Variants in PKD1L3 observed in about 807,000 individuals in gnomAD.
PKD1L3 encodes polycystin 1 like 3, transient receptor potential channel interacting, also known as polycystin-1-like protein 3.
Under a neutral mutation model 184.1 loss-of-function variants are expected in PKD1L3, and 239 were observed. That is an observed-to-expected ratio of 1.30 (90% CI 1.17 to 1.45). PKD1L3 has a LOEUF of 1.45. Among genes scored for constraint, PKD1L3 ranks in the 40% most tolerant of loss-of-function variants. The pLI, the probability that PKD1L3 is intolerant of heterozygous loss-of-function variation, is 0.00. For synonymous variants in PKD1L3, 996 were observed against 778.8 expected, an observed-to-expected ratio of 1.28 and a Z score of -4.64; for missense variants, 2,660 against 2,067.2, an observed-to-expected ratio of 1.29 and a Z score of -5.56.
intron 7 of PKD1L3, among the ~76,000 whole-genome samples, chr16:71,981,260 G>C (rs1385946556): frequency 6.6e-6 from 1 of 152,158 alleles, no homozygotes; most frequent in African/African-American, 2.4e-5. Flanking sequence ...AGAATTGCTA[G>C]GTTACATGGC....
chr16:71,934,653 ACATT>A (rs1002711249), intron 26 of PKD1L3, among the ~76,000 whole-genome samples: 2 of 152,118 alleles, frequency 1.3e-5, no homozygotes, highest in African/African-American at 2.4e-5. Context: ...TGAGAGAGAG[ACATT>A]CATAATTTTA....
chr16:71,983,956 C>A, intron 6 of PKD1L3, 80 bp downstream of exon 6: 1 of 1,514,570 alleles, frequency 6.6e-7, no homozygotes, highest in South Asian at 1.2e-5. Flanking sequence ...AGCCACCGCA[C>A]CCAGCCTCAG....
intron 16 of PKD1L3, among the ~76,000 whole-genome samples, chr16:71,957,710 T>C (rs1319579210): frequency 6.6e-6 from 1 of 152,124 alleles, no homozygotes. Context: ...GGCAGGACAA[T>C]TGCTTGAACC....
chr16:71,975,332 A>G (rs903648812), intron 11 of PKD1L3, among the ~76,000 whole-genome samples: 8 of 151,544 alleles, frequency 5.3e-5, no homozygotes, highest in African/African-American at 1.7e-4. Context: ...TGCTGGCGTT[A>G]CAGGGGTGAG....
At chr16:71,997,285 T>C (rs2040823545) in intron 2 of PKD1L3, among the ~76,000 whole-genome samples, 4 of 152,090 alleles carry the variant, frequency 2.6e-5, no homozygotes, top group Admixed American at 1.3e-4. Flanking sequence ...GTAGTTGTTT[T>C]TTTTTTAAGA....
chr16:71,980,432 C>G (rs1321457887), intron 7 of PKD1L3, among the ~76,000 whole-genome samples: 1 of 152,160 alleles, frequency 6.6e-6, no homozygotes, highest in Non-Finnish European at 1.5e-5. Flanking sequence ...AGGTAACTTT[C>G]ACATATACAG....
chr16:71,980,440 C>T (rs1160869892), intron 7 of PKD1L3, among the ~76,000 whole-genome samples: 1 of 152,158 alleles, frequency 6.6e-6, no homozygotes, highest in East Asian at 1.9e-4. Context: ...TTCACATATA[C>T]AGTTCATCCA....
In PKD1L3 at chr16:71,963,296, G is replaced by A. The variant is rs1195526873; in HGVS notation, c.2521C>T (p.Leu841=). ...DMAVKRKWHF[L]CNCWLAVDLG... is the part of the protein sequence containing the mutation. Reference sequence around the variant, plus strand: ...TCCACAGCCAGCCAGCAATTGCACAGGAAATGCCACTTCCTCTTAACTGCC... The same window carrying A: ...TCCACAGCCAGCCAGCAATTGCACAAGAAATGCCACTTCCTCTTAACTGCC... The change falls in exon 16 of 30, where the codon CTG becomes TTG. Residue 841 remains leucine, a synonymous_variant. Transcript: ENST00000620267. 1 of 1,551,378 alleles carries A rather than the reference G, an allele frequency of 6.4e-7. No individual in the cohort carries two copies. The highest frequency in any genetic ancestry group is 8.7e-7 in the Non-Finnish European group (1 of 1,146,806).
chr16:71,968,002 C>G lies in PKD1L3; in HGVS notation c.2190G>C (p.Lys730Asn). ...GGTCATTATCAGCCAGGACAGTGAC[C>G]TTCACCTGCAAGAAAAGCAGAACCA... ...KKDQADMQKV[K>N]VTVLADNDPS... The change falls in exon 14 of 30, where the codon AAG (lysine) becomes AAC (asparagine). Residue 730 changes from lysine (K) to asparagine (N), a missense_variant. By Grantham distance (94) the Lys-to-Asn change is moderately conservative. Transcript: ENST00000620267. 1 of 1,551,048 alleles carries G rather than the reference C, an allele frequency of 6.4e-7. No homozygotes were observed. Among genetic ancestry groups the G allele is most frequent in the African/African-American group, 1.4e-5 (1 of 73,148 alleles).
chr16:71,947,116 G>A (rs1008339305), intron 22 of PKD1L3, among the ~76,000 whole-genome samples: 2 of 152,006 alleles, frequency 1.3e-5, no homozygotes, highest in African/African-American at 4.8e-5. Context: ...AAATTAGCCA[G>A]GCATGGTGGC....
rs1180950058 is a variant in PKD1L3, at chr16:71,983,663, C to CT, written c.966+372dup. ...AAGGCACAATCTCCAGATTCTCTTTCTTTTTTTTTTTTTTTTTTTTTTGGA... is the reference window on the plus strand; with the variant it reads ...AAGGCACAATCTCCAGATTCTCTTTCTTTTTTTTTTTTTTTTTTTTTTTGGA... On this transcript the variant is annotated intron_variant, in intron 6 of 29. Coordinates refer to ENST00000620267, the MANE Select transcript of PKD1L3 (RefSeq NM_181536.2). Among the ~76,000 whole-genome samples, 855 of 100,302 alleles carry CT rather than the reference C, an allele frequency of 8.5e-3. 23 individuals carry two copies. Among genetic ancestry groups the CT allele is most frequent in the African/African-American group, 0.024 (630 of 25,734 alleles). 65.8% of individuals were successfully genotyped at this position (100,302 alleles called of 152,430 possible).
At chr16:71,993,382 A>C (rs963236361) in intron 2 of PKD1L3, 50 bp from the exon 3 acceptor site, 1 of 1,190,190 alleles carries the variant, frequency 8.4e-7, no homozygotes. Context: ...AGCTATGGCT[A>C]CAAGTCTATA....
At chr16:71,965,711 G>A (rs557087943) in intron 15 of PKD1L3, among the ~76,000 whole-genome samples, 1 of 151,938 alleles carries the variant, frequency 6.6e-6, no homozygotes, top group Non-Finnish European at 1.5e-5. Flanking sequence ...TTACCACCAT[G>A]CCCGGCTAAT....
intron 15 of PKD1L3, 106 bp downstream of exon 15, chr16:71,967,030 GT>G: frequency 8.3e-7 from 1 of 1,202,212 alleles, no homozygotes; most frequent in African/African-American, 1.5e-5. Flanking sequence ...ATAGTCATTT[GT>G]TACTATTTGG....
chr16:71,985,817 T>C (rs2040336838), intron 5 of PKD1L3, among the ~76,000 whole-genome samples: 1 of 152,128 alleles, frequency 6.6e-6, no homozygotes, highest in Admixed American at 6.6e-5. Context: ...TCCTCTCACC[T>C]TGGCCTCCCA....
rs757747259 is a variant in PKD1L3, at chr16:71,969,955, A to G, written c.2104T>C (p.Ser702Pro). The change falls in exon 13 of 30, where the codon TCA becomes CCA. Residue 702 changes from serine (S) to proline (P), a missense_variant. By Grantham distance (74) the Ser-to-Pro change is moderately conservative (BLOSUM62 -1). Transcript: ENST00000620267. ...LRVTNNPVGV[S>P]LLASLLGFYV... is the part of the protein sequence containing the mutation. ...AATCCTAAAAGGCTGGCCAGCAGTGACACCCCAACAGGATTGTTGGTCACG... is the reference window on the plus strand; with the variant it reads ...AATCCTAAAAGGCTGGCCAGCAGTGGCACCCCAACAGGATTGTTGGTCACG... 2 of 1,551,880 alleles carry G rather than the reference A, an allele frequency of 1.3e-6. No individual in the cohort carries two copies. Among genetic ancestry groups the G allele is most frequent in the South Asian group, 2.4e-5 (2 of 84,062 alleles).
At chr16:71,947,203 G>A (rs983164077) in intron 22 of PKD1L3, among the ~76,000 whole-genome samples, 2 of 152,120 alleles carry the variant, frequency 1.3e-5, no homozygotes, top group South Asian at 4.1e-4. Context: ...GTTGTAGTGA[G>A]CTGAGAACAC....
intron 2 of PKD1L3, among the ~76,000 whole-genome samples, chr16:71,997,415 C>T (rs942748216): frequency 2.0e-5 from 3 of 151,094 alleles, no homozygotes; most frequent in Admixed American, 6.6e-5. Flanking sequence ...AACAAGACCC[C>T]CCCCCCCACA....
chr16:71,955,944 C>T (rs959090033), intron 16 of PKD1L3, among the ~76,000 whole-genome samples: 2 of 152,140 alleles, frequency 1.3e-5, no homozygotes, highest in African/African-American at 4.8e-5. Flanking sequence ...GTCAATTAAA[C>T]GTCTTTCCTT....
Sources: gnomAD v4.1 joint callset for allele counts (sites outside exome capture counted in the v4.1 genomes callset) on GRCh38, gnomAD v4.1.1 for gene constraint, MANE v1.5 for transcripts, NCBI Gene and HGNC (gene_info 2026-07-23, HGNC 2026-07-21) for gene names.